Variants in SMARCA1 observed in about 807,000 individuals in gnomAD.
The protein encoded by SMARCA1 is SNF2 related chromatin remodeling ATPase 1, also known as SWI/SNF-related matrix-associated actin-dependent regulator of chromatin subfamily A member 1.
In SMARCA1, 17 loss-of-function variants were observed where a neutral mutation model predicts 93.6. The ratio of observed to expected loss-of-function variants is 0.18; its 90% CI spans 0.12 to 0.27. The LOEUF is 0.27. Ranked by LOEUF, SMARCA1 falls within the 10% of genes least tolerant of loss-of-function variation. SMARCA1 has a pLI of 1.00. For synonymous variants in SMARCA1, 271 were observed against 271.4 expected (o/e 1.00, Z 0.01); for missense variants, 630 against 819.0 (o/e 0.77, Z 2.82).
chrX:129,459,928 T>C (rs1033475767), intron 23 of SMARCA1, among the ~76,000 whole-genome samples: 9 of 110,938 alleles, frequency 8.1e-5, no homozygotes, highest in Middle Eastern at 4.8e-3. Flanking sequence ...GGCAGGAGGA[T>C]TGCTTGAGCC....
intron 14 of SMARCA1, among the ~76,000 whole-genome samples, chrX:129,490,526 T>A (rs1400888796): frequency 8.9e-6 from 1 of 112,181 alleles, no homozygotes; most frequent in African/African-American, 3.2e-5. Context: ...GGAATTTTAT[T>A]AAGTAGTTAG....
intron 7 of SMARCA1, 79 bp from the exon 8 acceptor site, chrX:129,506,290 C>T: frequency 1.3e-6 from 1 of 763,986 alleles, no homozygotes. Context: ...TTTATCCAAC[C>T]AATATATTTT....
chrX:129,458,335 G>A (rs1932728867), intron 23 of SMARCA1, among the ~76,000 whole-genome samples: 1 of 112,405 alleles, frequency 8.9e-6, no homozygotes, highest in South Asian at 3.7e-4. Context: ...CAGTTTCCAA[G>A]TCCTGTTTTA....
At chrX:129,496,186 C>T (rs893950577) in intron 12 of SMARCA1, among the ~76,000 whole-genome samples, 8 of 99,544 alleles carry the variant, frequency 8.0e-5, no homozygotes, top group Non-Finnish European at 1.6e-4. Context: ...CACTAAGTGA[C>T]TCATTCCTGC....
intron 18 of SMARCA1, 87 bp from the exon 19 acceptor site, chrX:129,480,901 G>A (rs1159893949): frequency 4.7e-6 from 3 of 631,885 alleles, no homozygotes; most frequent in Non-Finnish European, 7.2e-6. Context: ...GTGATATATG[G>A]AACAATAAAT....
At chrX:129,466,335 A>T (rs1156985435) in intron 21 of SMARCA1, among the ~76,000 whole-genome samples, 1 of 111,297 alleles carries the variant, frequency 9.0e-6, no homozygotes, top group African/African-American at 3.3e-5. Context: ...TAATATATAA[A>T]CAGTGAATAT....
chrX:129,464,485 T>A (rs1932861004), intron 23 of SMARCA1, among the ~76,000 whole-genome samples: 2 of 112,556 alleles, frequency 1.8e-5, no homozygotes, highest in African/African-American at 6.5e-5. Context: ...GTGTTGCATG[T>A]ATTTCAAAAT....
intron 19 of SMARCA1, among the ~76,000 whole-genome samples, chrX:129,473,725 A>G (rs1287722012): frequency 8.9e-6 from 1 of 112,310 alleles, no homozygotes; most frequent in Admixed American, 9.5e-5. Flanking sequence ...GATTCCATTT[A>G]TGTGAAATTC....
intron 2 of SMARCA1, among the ~76,000 whole-genome samples, chrX:129,518,133 C>G (rs960541152): frequency 9.0e-6 from 1 of 111,421 alleles, no homozygotes; most frequent in Non-Finnish European, 1.9e-5. Flanking sequence ...ACTTCTAGTC[C>G]TAACTATGAC....
chrX:129,502,820 A>G (rs1347154565), intron 9 of SMARCA1, among the ~76,000 whole-genome samples: 2 of 111,885 alleles, frequency 1.8e-5, no homozygotes, highest in East Asian at 5.6e-4. Flanking sequence ...ATGGAGAGGT[A>G]GAAAATACAG....
intron 23 of SMARCA1, among the ~76,000 whole-genome samples, chrX:129,463,856 G>A (rs1932848927): frequency 9.0e-6 from 1 of 111,359 alleles, no homozygotes; most frequent in Non-Finnish European, 1.9e-5. Flanking sequence ...AGAATTGCTT[G>A]AACCCGGGAG....
chrX:129,472,282 TA>T (rs1933162356), intron 19 of SMARCA1, among the ~76,000 whole-genome samples: 1 of 111,726 alleles, frequency 9.0e-6, no homozygotes, highest in African/African-American at 3.3e-5. Flanking sequence ...ACATGTGTAC[TA>T]CACTTTATAG....
At chrX:129,462,220 T>C (rs977885193) in intron 23 of SMARCA1, among the ~76,000 whole-genome samples, 1 of 112,336 alleles carries the variant, frequency 8.9e-6, no homozygotes, top group Non-Finnish European at 1.9e-5. Flanking sequence ...TTAGTAAGAT[T>C]TTCATTTGAA....
At chrX:129,488,053 T>G (rs1227160811) in intron 16 of SMARCA1, among the ~76,000 whole-genome samples, 1 of 111,009 alleles carries the variant, frequency 9.0e-6, no homozygotes, top group Non-Finnish European at 1.9e-5. Context: ...GGTTGATGGT[T>G]GTTAGAAACA....
rs189783481 is a variant in SMARCA1 at position 129,450,106 on chromosome X, T to C, written c.3031-1663A>G. On this transcript the variant is annotated intron_variant, in intron 23 of 24. Coordinates refer to ENST00000371121, the MANE Select transcript of SMARCA1 (RefSeq NM_001282874.2). ...GCCCTAACCTTCAATGTGACTGTAT[T>C]TGAAGATGGGGACTTGTGACTGTAT... 2.9e-4 allele frequency among the ~76,000 whole-genome samples: 33 copies of C among 112,397 alleles called. 2 individuals carry two copies. The highest frequency in any genetic ancestry group is 2.8e-3 in the Admixed American group (30 of 10,640).
At chrX:129,484,106 T>C (rs1459341077) in intron 17 of SMARCA1, among the ~76,000 whole-genome samples, 2 of 111,975 alleles carry the variant, frequency 1.8e-5, no homozygotes, top group Non-Finnish European at 3.8e-5. Context: ...ATCATTACTT[T>C]GCTAAAATTA....
Position 129,471,218 on chromosome X carries a change from T to C in SMARCA1, c.2551A>G (p.Lys851Glu), listed in dbSNP as rs2078941936. The stretch of plus-strand genomic sequence containing the variant: ...AAATATTTTACTTGTGTGAGAAGTT[T>C]TTCCTTTTCTTCAGTCTCTTCTGGT... ...LTPEETEEKE[K>E]LLTQGFTNWT... The change falls in exon 20 of 25, where the codon AAA becomes GAA. Residue 851 changes from lysine (K) to glutamate (E), a missense_variant. By Grantham distance (56) the Lys-to-Glu change is moderately conservative. Coordinates refer to ENST00000371121, the MANE Select transcript of SMARCA1 (RefSeq NM_001282874.2). 2 of 1,192,594 alleles carry C rather than the reference T, an allele frequency of 1.7e-6. No individual in the cohort carries two copies. Among genetic ancestry groups the C allele is most frequent in the Non-Finnish European group, 2.3e-6 (2 of 885,595 alleles).
chrX:129,521,850 T>C (rs1387879454), intron 1 of SMARCA1, among the ~76,000 whole-genome samples: 1 of 112,601 alleles, frequency 8.9e-6, no homozygotes, highest in Non-Finnish European at 1.9e-5. Flanking sequence ...ACTACAATTG[T>C]CCTTCTGTTT....
At chrX:129,515,551 C>T in intron 5 of SMARCA1, 136 bp downstream of exon 5, 1 of 484,541 alleles carries the variant, frequency 2.1e-6, no homozygotes, top group Admixed American at 3.4e-5. Context: ...AATTCTAAGA[C>T]TACAAAATAC....
Sources: gnomAD v4.1 joint callset for allele counts (sites outside exome capture counted in the v4.1 genomes callset) on GRCh38, gnomAD v4.1.1 for gene constraint, MANE v1.5 for transcripts, NCBI Gene and HGNC (gene_info 2026-07-23, HGNC 2026-07-21) for gene names.